CELSR2: variants seen among roughly 807,000 people sequenced by gnomAD.
CELSR2 encodes cadherin EGF LAG seven-pass G-type receptor 2.
A neutral mutation model predicts 251.6 loss-of-function variants in CELSR2; 81 were observed. The ratio of observed to expected loss-of-function variants is 0.32; its 90% CI spans 0.27 to 0.39. The LOEUF (loss-of-function observed/expected upper bound fraction) is 0.39, where lower values mean the gene tolerates loss of function less well. Among genes scored for constraint, CELSR2 ranks in the 10% least tolerant of loss-of-function variants. CELSR2 has a pLI of 1.00. For synonymous variants in CELSR2, 1,721 were observed against 1,670.5 expected (o/e 1.03, Z -0.74); for missense variants, 3,365 against 3,947.7 (o/e 0.85, Z 3.96).
rs1333355339 is a variant in CELSR2 at position 109,250,303 on chromosome 1, C to G, written c.224C>G (p.Ala75Gly). Reference protein sequence around the residue: ...LWLYTSRCRDAGTELTGHLVP... With the variant: ...LWLYTSRCRDGGTELTGHLVP... Reference sequence around the variant, plus strand: ...CTCTACACCAGCCGCTGCAGGGATGCGGGCACTGAGCTGACTGGCCACCTG... The same window carrying G: ...CTCTACACCAGCCGCTGCAGGGATGGGGGCACTGAGCTGACTGGCCACCTG... The change falls in exon 1 of 34, where the codon GCG becomes GGG. Residue 75 changes from alanine to glycine, a missense_variant. Physicochemically the swap from Ala to Gly is moderately conservative, Grantham distance 60. Around this residue, in one of 5 missense-constraint regions of CELSR2, gnomAD observed 704 missense variants for 784.1 expected, o/e 0.90. Transcript: ENST00000271332. The surrounding 1 kb of genome is among the most constrained non-coding windows in gnomAD (Gnocchi z 4.4). The G allele has an allele frequency of 1.2e-6, 2 of 1,613,306 alleles. No homozygotes were observed. Among genetic ancestry groups the G allele is most frequent in the Middle Eastern group, 1.7e-4 (1 of 6,060 alleles).
chr1:109,273,191 C>T lies in CELSR2; in HGVS notation c.8364C>T (p.Ala2788=), dbSNP rs769679173. Reference sequence around the variant, plus strand: ...ATGGGGGCCCAGGGCCTGGCAAGGCCCCCTGGCCAGGAGACTTTGGGACCA... The same window carrying T: ...ATGGGGGCCCAGGGCCTGGCAAGGCTCCCTGGCCAGGAGACTTTGGGACCA... ...PKDGGPGPGK[A]PWPGDFGTTA... The change falls in exon 32 of 34, where the codon GCC becomes GCT. Residue 2788 remains alanine (A), a synonymous_variant. Coordinates refer to ENST00000271332, the MANE Select transcript of CELSR2 (RefSeq NM_001408.3). The T allele has an allele frequency of 5.6e-6, 9 of 1,613,458 alleles. No homozygotes were observed. In the Admixed American group the frequency reaches 8.3e-5, roughly 15 times the overall value.
Position 109,267,588 on chromosome 1 carries a change from C to A in CELSR2, c.6054C>A (p.Leu2018=). 1.2e-6 allele frequency: 2 copies of A among 1,613,990 alleles called. No homozygotes were observed. The highest frequency in any genetic ancestry group is 1.7e-6 in the Non-Finnish European group (2 of 1,179,938). ...ACTGTGATGAGCACAGGGGGTGGCT[C>A]CCCCCAAACCTCTTCAACTGCACGT... The part of the protein sequence containing the change: ...VRHCDEHRGW[L]PPNLFNCTSI... Residue 2018 remains leucine, a synonymous_variant, in exon 16 of 34, where the codon CTC becomes CTA. Transcript: ENST00000271332.
chr1:109,268,173 T>A, intron 17 of CELSR2, 113 bp downstream of exon 17: 3 of 1,435,010 alleles, frequency 2.1e-6, no homozygotes, highest in Non-Finnish European at 2.8e-6. Flanking sequence ...TACAAGGAGC[T>A]CCCTGCTGGC....
intron 1 of CELSR2, among the ~76,000 whole-genome samples, chr1:109,254,279 C>A (rs1655785648): frequency 6.6e-6 from 1 of 151,956 alleles, no homozygotes; most frequent in Admixed American, 6.5e-5. Context: ...GCAGAGACCC[C>A]AAGGCACCTT....
chr1:109,267,806 A>G, intron 16 of CELSR2, 45 bp from the exon 17 acceptor site: 1 of 1,586,246 alleles, frequency 6.3e-7, no homozygotes, highest in Non-Finnish European at 8.6e-7. Flanking sequence ...CTTTTGCTCC[A>G]GAGTTCCTGC....
Position 109,269,334 on chromosome 1 carries a change from C to T in CELSR2, c.6812+44C>T, listed in dbSNP as rs771875454. 1.2e-5 allele frequency: 19 copies of T among 1,611,054 alleles called. No individual in the cohort carries two copies. The highest frequency in any genetic ancestry group is 3.3e-5 in the South Asian group (3 of 90,900). On this transcript the variant is annotated intron_variant, in intron 20 of 33. Coordinates refer to ENST00000271332, the MANE Select transcript of CELSR2 (RefSeq NM_001408.3). The surrounding 1 kb of genome is among the most constrained non-coding windows in gnomAD (Gnocchi z 6.4). ...GGTGTGGGTAGGGGTATGGGTCGGG[C>T]GGTGAGTGCTGAGGCATGGAGGGGG...
In CELSR2 at chr1:109,261,402, T is replaced by C. The variant is rs1656018191; in HGVS notation, c.4182-111T>C. 3.0e-6 allele frequency: 4 copies of C among 1,345,318 alleles called. No homozygotes were observed. Among genetic ancestry groups the C allele is most frequent in the Non-Finnish European group, 4.2e-6 (4 of 942,970 alleles). The allele number at this position is 1,345,318 out of a possible 1,614,324, so 83.3% of individuals were successfully genotyped here. A position where few individuals can be genotyped will look rare whatever the true frequency, so the allele number is the denominator to read the frequency against. On this transcript the variant is annotated intron_variant, in intron 3 of 33. Coordinates refer to ENST00000271332, the MANE Select transcript of CELSR2 (RefSeq NM_001408.3). This position sits in a 1 kb window ranked among gnomAD's most constrained non-coding sequence, Gnocchi z 4.8. ...GCAGAGCCAGGTCTGCTCTTGGAGTTGCCTGTGGTTCTGCCAGCAGATCTC... is the reference window on the plus strand; with the variant it reads ...GCAGAGCCAGGTCTGCTCTTGGAGTCGCCTGTGGTTCTGCCAGCAGATCTC...
Position 109,262,295 on chromosome 1 carries a change from G to A in CELSR2, c.4395G>A (p.Leu1465=). ...CTCTTTCCTGTCCACAGCCACTGTT[G>A]GGTCAGACAGGGCTCCCACAGGGCC... ...VQLKYYNKPL[L]GQTGLPQGPS... The change falls in exon 6 of 34, where the codon TTG becomes TTA. Residue 1465 remains leucine, a synonymous_variant. Transcript: ENST00000271332. The A allele has an allele frequency of 6.2e-7, 1 of 1,613,922 alleles. No homozygotes were observed.
chr1:109,263,931 G>A lies in CELSR2; in HGVS notation c.5002-147G>A, dbSNP rs1656109526. ...GGGAAGGTCAATGCTGCCACCTGTT[G>A]GGCCTGAGGGAAATAAATACGCTTT... On this transcript the variant is annotated intron_variant, in intron 9 of 33. Transcript: ENST00000271332. 1.2e-5 allele frequency: 17 copies of A among 1,380,122 alleles called. 1 individual carries two copies. In the South Asian group the frequency reaches 2.4e-4, roughly 20 times the overall value. 85.5% of individuals were successfully genotyped at this position (1,380,122 alleles called of 1,614,324 possible).
chr1:109,250,872 G>T lies in CELSR2; in HGVS notation c.793G>T (p.Gly265Cys). 6.2e-7 allele frequency: 1 copy of T among 1,614,022 alleles called. No homozygotes were observed. Among genetic ancestry groups the T allele is most frequent in the Non-Finnish European group, 8.5e-7 (1 of 1,180,042 alleles). Residue 265 changes from glycine to cysteine, a missense_variant, in exon 1 of 34, where the codon GGC becomes TGC. Coordinates refer to ENST00000271332, the MANE Select transcript of CELSR2 (RefSeq NM_001408.3). This position sits in a 1 kb window ranked among gnomAD's most constrained non-coding sequence, Gnocchi z 4.4. ...CTTCAGGGTCACGGCGCAGGACCAC[G>T]GCATGCCCCGACGAAGTGCCCTGGC... ...HVFRVTAQDH[G>C]MPRRSALATL...
rs955677300 is a variant in CELSR2 at position 109,263,138 on chromosome 1, C to T, written c.4709-4C>T. ...TCCACTGAGCTGCCTTCTCTCCATTCCAGGCTGCCCTGCCAAGAAGAACGT... is the reference window on the plus strand; with the variant it reads ...TCCACTGAGCTGCCTTCTCTCCATTTCAGGCTGCCCTGCCAAGAAGAACGT... On this transcript the variant is annotated splice_polypyrimidine_tract_variant and splice_region_variant and intron_variant, in intron 7 of 33. Transcript: ENST00000271332. The T allele has an allele frequency of 6.3e-7, 1 of 1,594,658 alleles. No homozygotes were observed. Among genetic ancestry groups the T allele is most frequent in the Admixed American group, 1.7e-5 (1 of 59,600 alleles).
At chr1:109,272,486 T>C in intron 29 of CELSR2, 81 bp downstream of exon 29, 4 of 1,545,632 alleles carry the variant, frequency 2.6e-6, no homozygotes, top group Non-Finnish European at 2.6e-6. Flanking sequence ...CTGTTGGGAG[T>C]TGAGGAGCAC....
rs573719984 is a variant in CELSR2, at chr1:109,274,187, C to T, written c.*138C>T. On this transcript the variant is annotated 3_prime_UTR_variant, in exon 34 of 34. Transcript: ENST00000271332. ...AGCGACGAAACGTCCATCTGAGGAG[C>T]CTGGGCCTTGCCGGGAGGGGTACTC... is the stretch of plus-strand genomic sequence containing the variant. 1 of 1,582,610 alleles carries T rather than the reference C, an allele frequency of 6.3e-7. No individual in the cohort carries two copies. The highest frequency in any genetic ancestry group is 1.1e-5 in the South Asian group (1 of 89,126).
At position 109,263,779 on chromosome 1, in the gene CELSR2, T is replaced by C. The variant is rs1463712656; in HGVS notation, c.5001+2T>C. 1 of 1,611,410 alleles carries C rather than the reference T, an allele frequency of 6.2e-7. No homozygotes were observed. The highest frequency in any genetic ancestry group is 8.5e-7 in the Non-Finnish European group (1 of 1,179,054). ...GGGCGCAGCACCATCACCCTACAGG[T>C]GATGCATGGAAGGGCGGCTGGCCCT... is the stretch of plus-strand genomic sequence containing the variant. On this transcript the variant is annotated splice_donor_variant, in intron 9 of 33. Coordinates refer to ENST00000271332, the MANE Select transcript of CELSR2 (RefSeq NM_001408.3). LOFTEE classifies it high-confidence loss of function.
In CELSR2 at chr1:109,252,525, C is replaced by T. The variant is rs145105634; in HGVS notation, c.2446C>T (p.Leu816=). 3 of 1,613,790 alleles carry T rather than the reference C, an allele frequency of 1.9e-6. No homozygotes were observed. The African/African-American group carries it at 4.0e-5, about 22-fold the overall frequency. ...CGTGAATGACAATGCCCCTCAGTTC[C>T]TGCGAGACTCCTACCAGGGCAGTGT... ...NDVNDNAPQF[L]RDSYQGSVYE... Residue 816 remains leucine, a synonymous_variant, in exon 1 of 34, where the codon CTG becomes TTG. Coordinates refer to ENST00000271332, the MANE Select transcript of CELSR2 (RefSeq NM_001408.3). The surrounding 1 kb of genome is among the most constrained non-coding windows in gnomAD (Gnocchi z 4.8).
chr1:109,257,892 C>T (rs623371), intron 1 of CELSR2, among the ~76,000 whole-genome samples: 22,400 of 152,100 alleles, frequency 0.15, 2,319 homozygotes, highest in African/African-American at 0.29. Flanking sequence ...AGCAGGTCTG[C>T]GCGCCCAAGC....
At chr1:109,272,138 G>A (rs1656388291) in intron 28 of CELSR2, 140 bp from the exon 29 acceptor site, 2 of 1,143,644 alleles carry the variant, frequency 1.7e-6, no homozygotes, top group African/African-American at 3.1e-5. Flanking sequence ...TATGGGGACA[G>A]CGGAGAAGCA....
chr1:109,273,691 G>T, intron 33 of CELSR2, 21 bp downstream of exon 33: 4 of 1,385,088 alleles, frequency 2.9e-6, no homozygotes, highest in Non-Finnish European at 3.9e-6. Flanking sequence ...CCGGGTGGGC[G>T]GGACGGGGTG....
In CELSR2 at chr1:109,267,936, A is replaced by G; in HGVS notation, c.6194A>G (p.His2065Arg). ...LALLLRNATQHTAGYFGSDVK... is the reference protein window; with the variant it reads ...LALLLRNATQRTAGYFGSDVK... ...CTGCTCCTGCGCAACGCCACGCAGC[A>G]CACAGCTGGCTACTTCGGCAGCGAC... The change falls in exon 17 of 34, where the codon CAC becomes CGC. Residue 2065 changes from histidine to arginine, a missense_variant. Around this residue, in one of 5 missense-constraint regions of CELSR2, gnomAD observed 2,093 missense variants for 2,382.8 expected, o/e 0.88. Transcript: ENST00000271332. The G allele has an allele frequency of 6.2e-7, 1 of 1,611,840 alleles. No homozygotes were observed. The highest frequency in any genetic ancestry group is 8.5e-7 in the Non-Finnish European group (1 of 1,179,836).
Sources: gnomAD v4.1 joint callset for allele counts (sites outside exome capture counted in the v4.1 genomes callset) on GRCh38, gnomAD v4.1.1 for gene constraint, gnomAD v4.1.1 regional missense constraint, Gnocchi (gnomAD v3.1) non-coding constraint, MANE v1.5 for transcripts, NCBI Gene and HGNC (gene_info 2026-07-23, HGNC 2026-07-21) for gene names.